The following TMEM63C variants were observed in gnomAD, a reference collection of about 807,000 sequenced individuals.
The protein encoded by TMEM63C is osmosensitive cation channel TMEM63C.
In TMEM63C, 32 loss-of-function variants were observed where a neutral mutation model predicts 99.2. The observed-to-expected ratio is 0.32, with a 90% CI of 0.24 to 0.43. The LOEUF (loss-of-function observed/expected upper bound fraction) is 0.43. TMEM63C is among the 20% of genes least tolerant of loss of function. The pLI, the probability that TMEM63C is intolerant of heterozygous loss-of-function variation, is 1.00. For synonymous variants in TMEM63C, 376 were observed against 397.9 expected (o/e 0.94, Z 0.66); for missense variants, 826 against 1,053.0 (o/e 0.78, Z 2.98).
chr14:77,255,380 A>G (rs735477), intron 23 of TMEM63C, among the ~76,000 whole-genome samples: 17,253 of 152,256 alleles, frequency 0.11, 1,213 homozygotes, highest in Middle Eastern at 0.19. Flanking sequence ...AATTGCCTTA[A>G]TTGTTCCAGA....
intron 1 of TMEM63C, among the ~76,000 whole-genome samples, chr14:77,194,549 C>CTTT (rs1566616307): frequency 0.056 from 1,016 of 18,292 alleles, 93 homozygotes; most frequent in African/African-American, 0.14. Context: ...TTCTTTCTTT[C>CTTT]TTTCTCTTTC....
intron 5 of TMEM63C, among the ~76,000 whole-genome samples, chr14:77,225,167 C>T (rs1015829027): frequency 1.3e-5 from 2 of 152,186 alleles, no homozygotes. Context: ...GTCACTTCTC[C>T]CCCTCCAGTT....
chr14:77,230,697 G>A (rs1447190729), intron 6 of TMEM63C, among the ~76,000 whole-genome samples: 1 of 151,976 alleles, frequency 6.6e-6, no homozygotes, highest in Non-Finnish European at 1.5e-5. Context: ...ATCTGAGGTA[G>A]AACAGTTTCA....
rs762132234 is a variant in TMEM63C at position 77,243,016 on chromosome 14, T to G, written c.1301T>G (p.Ile434Ser). Residue 434 changes from isoleucine to serine, a missense_variant, in exon 15 of 24, where the codon ATC (isoleucine) becomes AGC (serine). Ile to Ser is a moderately radical substitution (Grantham distance 142, BLOSUM62 -2). Transcript: ENST00000298351. ...ACGCCTGCCATCATCATGAACACTATCGACATGTACAACGTCACCCGCCCC... is the reference window on the plus strand; with the variant it reads ...ACGCCTGCCATCATCATGAACACTAGCGACATGTACAACGTCACCCGCCCC... Reference protein sequence around the residue: ...LTTPAIIMNTIDMYNVTRPIE... With the variant: ...LTTPAIIMNTSDMYNVTRPIE... The G allele has an allele frequency of 6.8e-6, 11 of 1,613,770 alleles. No individual in the cohort carries two copies. The highest frequency in any genetic ancestry group is 9.3e-6 in the Non-Finnish European group (11 of 1,179,884).
chr14:77,219,574 A>T lies in TMEM63C; in HGVS notation c.227A>T (p.Asp76Val), dbSNP rs1888652861. ...CGCCTGGCTCTGCTGATACACAATG[A>T]CAGGTGAGGAGGGGTCGAGATGGGT... is the stretch of plus-strand genomic sequence containing the variant. ...YGRLALLIHN[D>V]SLTSLIYGEQ... The change falls in exon 4 of 24, where the codon GAC becomes GTC. Residue 76 changes from aspartate (D) to valine (V), a missense_variant. Asp to Val is a radical substitution (Grantham distance 152). Transcript: ENST00000298351. 1.2e-6 allele frequency: 2 copies of T among 1,613,768 alleles called. No individual in the cohort carries two copies. The highest frequency in any genetic ancestry group is 1.3e-5 in the African/African-American group (1 of 74,904).
chr14:77,183,362 A>G (rs899131440), intron 1 of TMEM63C, among the ~76,000 whole-genome samples: 2 of 152,216 alleles, frequency 1.3e-5, no homozygotes, highest in African/African-American at 4.8e-5. Flanking sequence ...GACAGGGAAC[A>G]GCACCAGCAT....
At chr14:77,231,939 C>T (rs1465347441) in intron 7 of TMEM63C, among the ~76,000 whole-genome samples, 2 of 152,248 alleles carry the variant, frequency 1.3e-5, no homozygotes, top group African/African-American at 4.8e-5. Flanking sequence ...TGGCCCAGAG[C>T]CTGACACACA....
chr14:77,251,230 C>T (rs780896427), intron 21 of TMEM63C, among the ~76,000 whole-genome samples: 3 of 152,226 alleles, frequency 2.0e-5, no homozygotes, highest in Non-Finnish European at 4.4e-5. Flanking sequence ...TATAAAAACA[C>T]TGCAGTAAGC....
chr14:77,191,447 T>A (rs978450862), intron 1 of TMEM63C, among the ~76,000 whole-genome samples: 3 of 152,136 alleles, frequency 2.0e-5, no homozygotes, highest in Non-Finnish European at 4.4e-5. Context: ...TTGGAGGAGT[T>A]TTTGCATATG....
intron 1 of TMEM63C, among the ~76,000 whole-genome samples, chr14:77,211,293 G>A (rs551758593): frequency 9.2e-5 from 14 of 152,294 alleles, no homozygotes; most frequent in Non-Finnish European, 1.2e-4. Flanking sequence ...CCGTGACCTC[G>A]GGCCAGTTAA....
At position 77,233,782 on chromosome 14, in the gene TMEM63C, C is replaced by A. The variant is rs371528602; in HGVS notation, c.542+282C>A. On this transcript the variant is annotated intron_variant, in intron 8 of 23. Coordinates refer to ENST00000298351, the MANE Select transcript of TMEM63C (RefSeq NM_020431.4). ...GAAATGGTCCTATTTGCTTAGTGTA[C>A]CCAGATCCCAAGAGGCAGAGACCAT... is the stretch of plus-strand genomic sequence containing the variant. Among the ~76,000 whole-genome samples the A allele has an allele frequency of 3.9e-5, 6 of 152,054 alleles. No homozygotes were observed. In the East Asian group the frequency reaches 7.7e-4, roughly 20 times the overall value.
chr14:77,183,620 G>A (rs1026438784), intron 1 of TMEM63C, among the ~76,000 whole-genome samples: 7 of 152,152 alleles, frequency 4.6e-5, no homozygotes, highest in African/African-American at 1.4e-4. Context: ...CGGATCGGGG[G>A]TTTGGGCCAG....
rs549165152 is a variant in TMEM63C at position 77,183,997 on chromosome 14, C to T, written c.-77+2103C>T. ...GAGCAGAGAGCTGGACCGAGTGCCTCTATCGGCAGGCACTCTGCCCTCAGC... is the reference window on the plus strand; with the variant it reads ...GAGCAGAGAGCTGGACCGAGTGCCTTTATCGGCAGGCACTCTGCCCTCAGC... On this transcript the variant is annotated intron_variant, in intron 1 of 23. Coordinates refer to ENST00000298351, the MANE Select transcript of TMEM63C (RefSeq NM_020431.4). 3.4e-4 allele frequency among the ~76,000 whole-genome samples: 52 copies of T among 152,342 alleles called. No homozygotes were observed. In the Middle Eastern group the frequency reaches 0.01, roughly 30 times the overall value.
intron 1 of TMEM63C, among the ~76,000 whole-genome samples, chr14:77,202,696 G>A (rs1009435021): frequency 6.6e-6 from 1 of 152,140 alleles, no homozygotes; most frequent in African/African-American, 2.4e-5. Context: ...AATTACATCT[G>A]CAAAGACTCT....
chr14:77,227,621 A>AG, intron 6 of TMEM63C, among the ~76,000 whole-genome samples: 1 of 152,336 alleles, frequency 6.6e-6, no homozygotes, highest in African/African-American at 2.4e-5. Flanking sequence ...AAGCGGCCCA[A>AG]GGGAGTGCCT....
chr14:77,210,824 T>C (rs1888483138), intron 1 of TMEM63C, among the ~76,000 whole-genome samples: 1 of 151,950 alleles, frequency 6.6e-6, no homozygotes, highest in East Asian at 1.9e-4. Flanking sequence ...CTGAGAAGGC[T>C]AAATGGCAAG....
chr14:77,256,390 C>A, intron 23 of TMEM63C, 136 bp from the exon 24 acceptor site: 1 of 812,584 alleles, frequency 1.2e-6, no homozygotes, highest in Non-Finnish European at 2.0e-6. Flanking sequence ...AGGACCCAGG[C>A]TGCTGGGGAA....
chr14:77,191,520 C>CT (rs1888106048), intron 1 of TMEM63C, among the ~76,000 whole-genome samples: 1 of 118,438 alleles, frequency 8.4e-6, no homozygotes, highest in African/African-American at 3.0e-5. Context: ...TCTTTTCTTT[C>CT]TTTTCTTTTT....
At chr14:77,193,984 A>AGTAT (rs1888156249) in intron 1 of TMEM63C, among the ~76,000 whole-genome samples, 1 of 152,202 alleles carries the variant, frequency 6.6e-6, no homozygotes, top group African/African-American at 2.4e-5. Flanking sequence ...TGGGCAACAG[A>AGTAT]GTATGACGCT....
Sources: allele counts gnomAD v4.1 joint callset (sites outside exome capture counted in the v4.1 genomes callset), GRCh38; gene constraint gnomAD v4.1.1; transcripts MANE v1.5; gene names NCBI Gene and HGNC (gene_info 2026-07-23, HGNC 2026-07-21).